Variants in EXTL3 observed in about 807,000 individuals in gnomAD.
EXTL3 encodes exostosin like glycosyltransferase 3.
In EXTL3, 27 loss-of-function variants were observed where a neutral mutation model predicts 69.3. The ratio of observed to expected loss-of-function variants is 0.39; its 90% CI spans 0.29 to 0.54. The LOEUF (loss-of-function observed/expected upper bound fraction) is 0.54. EXTL3 is among the 20% of genes least tolerant of loss of function. The pLI, the probability that EXTL3 is intolerant of heterozygous loss-of-function variation, is 0.69. For missense variants in EXTL3, 1,003 were observed against 1,231.8 expected (o/e 0.81, Z 2.78); for synonymous variants, 511 against 499.4 (o/e 1.02, Z -0.31).
chr8:28,628,228 G>C (rs1182357165), intron 1 of EXTL3, among the ~76,000 whole-genome samples: 1 of 152,160 alleles, frequency 6.6e-6, no homozygotes, highest in African/African-American at 2.4e-5. Flanking sequence ...TGGATGTGGT[G>C]GCACGAGCCT....
chr8:28,685,895 T>C (rs1268553178), intron 1 of EXTL3: 1 of 151,932 alleles, frequency 6.6e-6, no homozygotes, highest in African/African-American at 2.4e-5. Context: ...GACAGAGTCT[T>C]GTCTTGTCAC....
At chr8:28,645,686 A>G (rs1031669122) in intron 1 of EXTL3, among the ~76,000 whole-genome samples, 3 of 151,948 alleles carry the variant, frequency 2.0e-5, no homozygotes, top group African/African-American at 7.3e-5. Flanking sequence ...TTCTAAAGTT[A>G]TTCTCTCTGT....
At chr8:28,639,368 G>A (rs572593551) in intron 1 of EXTL3, among the ~76,000 whole-genome samples, 1 of 152,046 alleles carries the variant, frequency 6.6e-6, no homozygotes, top group African/African-American at 2.4e-5. Flanking sequence ...ATCCCTGTCC[G>A]ACCTCCTGGG....
intron 1 of EXTL3, among the ~76,000 whole-genome samples, chr8:28,636,734 C>A (rs527509946): frequency 1.3e-5 from 2 of 152,014 alleles, no homozygotes; most frequent in African/African-American, 4.8e-5. Context: ...AGCAGGTTGG[C>A]GCGTGGTGGC....
intron 3 of EXTL3, among the ~76,000 whole-genome samples, chr8:28,724,627 A>AG (rs60163059): frequency 6.6e-6 from 1 of 150,534 alleles, no homozygotes; most frequent in Non-Finnish European, 1.5e-5. Flanking sequence ...AAGAAGAAGA[A>AG]AAAAAGAAAA....
chr8:28,639,727 A>G (rs1470423903), intron 1 of EXTL3, among the ~76,000 whole-genome samples: 2 of 152,230 alleles, frequency 1.3e-5, no homozygotes, highest in African/African-American at 2.4e-5. Context: ...ACAGCCTTTC[A>G]TACTGAAGTA....
chr8:28,748,801 T>C (rs987924674), intron 6 of EXTL3, among the ~76,000 whole-genome samples: 2 of 152,150 alleles, frequency 1.3e-5, no homozygotes, highest in African/African-American at 4.8e-5. Flanking sequence ...GCTTAGGGAC[T>C]CATTCTGTAT....
intron 1 of EXTL3, among the ~76,000 whole-genome samples, chr8:28,664,882 C>T (rs775342409): frequency 2.0e-5 from 3 of 151,820 alleles, no homozygotes; most frequent in Non-Finnish European, 4.4e-5. Flanking sequence ...AGATGAGTTC[C>T]TCTTCAGCTC....
chr8:28,635,251 T>C (rs1020417064), intron 1 of EXTL3, among the ~76,000 whole-genome samples: 1 of 151,804 alleles, frequency 6.6e-6, no homozygotes, highest in African/African-American at 2.4e-5. Flanking sequence ...GAAATACCCT[T>C]AACTATAAAA....
At chr8:28,635,778 A>G (rs2130572063) in intron 1 of EXTL3, among the ~76,000 whole-genome samples, 1 of 151,644 alleles carries the variant, frequency 6.6e-6, no homozygotes, top group African/African-American at 2.4e-5. Flanking sequence ...ATACCTCTCC[A>G]AGGACTTCCA....
intron 1 of EXTL3, among the ~76,000 whole-genome samples, chr8:28,627,738 A>T (rs1806514735): frequency 6.6e-6 from 1 of 152,324 alleles, no homozygotes; most frequent in Non-Finnish European, 1.5e-5. Context: ...AGTACAAACA[A>T]TGGAATATTA....
chr8:28,749,707 G>A (rs1012026714), intron 6 of EXTL3, among the ~76,000 whole-genome samples: 2 of 152,138 alleles, frequency 1.3e-5, no homozygotes, highest in African/African-American at 4.8e-5. Context: ...ATGTGAGTGA[G>A]TGACAGGGTC....
At chr8:28,680,196 A>G (rs1807458902) in intron 1 of EXTL3, among the ~76,000 whole-genome samples, 2 of 152,158 alleles carry the variant, frequency 1.3e-5, no homozygotes, top group South Asian at 4.1e-4. Flanking sequence ...GTTCAAGACC[A>G]GCCTGGCCAA....
At position 28,717,721 on chromosome 8, in the gene EXTL3, C is replaced by G; in HGVS notation, c.1662C>G (p.Pro554=). 6.2e-7 allele frequency: 1 copy of G among 1,614,272 alleles called. No individual in the cohort carries two copies. The highest frequency in any genetic ancestry group is 1.1e-5 in the South Asian group (1 of 91,086). Reference sequence around the variant, plus strand: ...GGGAAGAGGCGGCAGCTGAGATCCCCCACCGTTCAGGCAAGGCGGCTGGAA... The same window carrying G: ...GGGAAGAGGCGGCAGCTGAGATCCCGCACCGTTCAGGCAAGGCGGCTGGAA... ...PIREEAAAEI[P]HRSGKAAGTD... The change falls in exon 3 of 7, where the codon CCC becomes CCG. Residue 554 remains proline, a synonymous_variant. Coordinates refer to ENST00000220562, the MANE Select transcript of EXTL3 (RefSeq NM_001440.4). This position sits in a 1 kb window ranked among gnomAD's most constrained non-coding sequence, Gnocchi z 8.3.
intron 3 of EXTL3, among the ~76,000 whole-genome samples, chr8:28,728,220 A>G (rs1184935592): frequency 2.0e-5 from 3 of 152,220 alleles, no homozygotes; most frequent in African/African-American, 4.8e-5. Flanking sequence ...GTGTCTTACA[A>G]TGGATGGCCT....
At chr8:28,667,004 T>A (rs1807207798) in intron 1 of EXTL3, among the ~76,000 whole-genome samples, 1 of 152,252 alleles carries the variant, frequency 6.6e-6, no homozygotes, top group East Asian at 1.9e-4. Context: ...CAGACTCAAC[T>A]TGAAGGTGTG....
At chr8:28,729,138 TAAAA>T (rs909818465) in intron 3 of EXTL3, among the ~76,000 whole-genome samples, 1 of 150,470 alleles carries the variant, frequency 6.6e-6, no homozygotes, top group Admixed American at 6.6e-5. Context: ...TCTACAAAGA[TAAAA>T]AAATTAGCTG....
chr8:28,622,269 T>C (rs779708414), upstream of EXTL3, among the ~76,000 whole-genome samples: 1 of 152,258 alleles, frequency 6.6e-6, no homozygotes, highest in Non-Finnish European at 1.5e-5. Context: ...ACTCTAAGCA[T>C]CCGGCTCATT....
intron 3 of EXTL3, among the ~76,000 whole-genome samples, chr8:28,726,544 A>C (rs1215631620): frequency 6.6e-6 from 1 of 152,120 alleles, no homozygotes; most frequent in Non-Finnish European, 1.5e-5. Context: ...GGTTGACTCT[A>C]AATCAGGGTG....
Sources: allele counts gnomAD v4.1 joint callset (sites outside exome capture counted in the v4.1 genomes callset), GRCh38; gene constraint gnomAD v4.1.1; non-coding constraint Gnocchi (gnomAD v3.1); transcripts MANE v1.5; gene names NCBI Gene and HGNC (gene_info 2026-07-23, HGNC 2026-07-21).